The following AGBL1 variants were observed in gnomAD, a reference collection of about 807,000 sequenced individuals.
AGBL1 encodes the protein AGBL carboxypeptidase 1, also known as cytosolic carboxypeptidase 4.
AGBL1 carries 130 observed loss-of-function variants against 118.9 expected under a neutral mutation model. The observed-to-expected ratio is 1.09, with a 90% CI of 0.95 to 1.26. The LOEUF is 1.26. AGBL1 is among the 50% of genes most tolerant of loss of function. The pLI, the probability that AGBL1 is intolerant of heterozygous loss-of-function variation, is 0.00. For synonymous variants in AGBL1, 555 were observed against 478.9 expected (o/e 1.16, Z -2.08); for missense variants, 1,584 against 1,298.1 (o/e 1.22, Z -3.38).
intron 23 of AGBL1, among the ~76,000 whole-genome samples, chr15:86,931,744 C>T (rs2080608768): frequency 1.3e-5 from 2 of 152,056 alleles, no homozygotes; most frequent in Admixed American, 1.3e-4. Context: ...ATTCTATTTT[C>T]CTAGAGTTAT....
intron 23 of AGBL1, among the ~76,000 whole-genome samples, chr15:86,940,566 T>G (rs1201669190): frequency 6.6e-6 from 1 of 152,018 alleles, no homozygotes; most frequent in East Asian, 1.9e-4. Flanking sequence ...TAGAAGGAAA[T>G]TGTTACAAAC....
At chr15:86,848,600 T>C (rs1032727762) in intron 22 of AGBL1, among the ~76,000 whole-genome samples, 20 of 152,172 alleles carry the variant, frequency 1.3e-4, no homozygotes, top group Admixed American at 1.3e-3. Flanking sequence ...ATTCAAGCAG[T>C]TGTAACTTAT....
intron 22 of AGBL1, among the ~76,000 whole-genome samples, chr15:86,847,284 C>G (rs1431773377): frequency 6.6e-6 from 1 of 152,166 alleles, no homozygotes; most frequent in Admixed American, 6.5e-5. Flanking sequence ...ACTGCTTGTT[C>G]TTTCACTTTT....
In AGBL1 at chr15:86,199,778, A is replaced by G. The variant is rs562464921; in HGVS notation, c.489-25136A>G. ...CCATAAAAGTTTTTAAAATTTGCGT[A>G]GTGTTTATAAGGAAAATTATTTCTC... On this transcript the variant is annotated intron_variant, in intron 5 of 22. Transcript: ENST00000614907. 3.3e-5 allele frequency among the ~76,000 whole-genome samples: 5 copies of G among 152,352 alleles called. No homozygotes were observed. The South Asian group carries it at 1.0e-3, about 32-fold the overall frequency.
chr15:87,009,329 G>C (rs1174126588), intron 24 of AGBL1, among the ~76,000 whole-genome samples: 1 of 152,202 alleles, frequency 6.6e-6, no homozygotes, highest in African/African-American at 2.4e-5. Context: ...AGCCTTGGCA[G>C]CTTTCACATG....
chr15:86,224,373 A>G (rs931610945), intron 5 of AGBL1, among the ~76,000 whole-genome samples: 4 of 152,200 alleles, frequency 2.6e-5, no homozygotes, highest in African/African-American at 9.6e-5. Flanking sequence ...ATGAATTTGG[A>G]AGAAAAATCC....
Position 86,374,331 on chromosome 15 carries a change from C to A in AGBL1, c.2375-23035C>A, listed in dbSNP as rs145642742. Among the ~76,000 whole-genome samples, 243 of 152,298 alleles carry A rather than the reference C, an allele frequency of 1.6e-3. 1 individual carries two copies. The highest frequency in any genetic ancestry group is 5.5e-3 in the African/African-American group (228 of 41,564). On this transcript the variant is annotated intron_variant, in intron 17 of 22. Coordinates refer to ENST00000614907, the MANE Select transcript of AGBL1 (RefSeq NM_001386094.1). ...AGTGTTATTTTATGTTTCATGGATGCATCTTAATGACTGCCCTACAGGTCT... is the reference window on the plus strand; with the variant it reads ...AGTGTTATTTTATGTTTCATGGATGAATCTTAATGACTGCCCTACAGGTCT...
At chr15:86,273,211 C>T (rs1356668698) in intron 15 of AGBL1, among the ~76,000 whole-genome samples, 2 of 152,122 alleles carry the variant, frequency 1.3e-5, no homozygotes, top group African/African-American at 4.8e-5. Flanking sequence ...CACGTATTTC[C>T]CACAAGAGGG....
At chr15:86,917,325 C>T (rs1596632253), downstream of AGBL1, among the ~76,000 whole-genome samples, 1 of 152,274 alleles carries the variant, frequency 6.6e-6, no homozygotes, top group Non-Finnish European at 1.5e-5. This position sits in a 1 kb window ranked among gnomAD's most constrained non-coding sequence, Gnocchi z 4.8. Flanking sequence ...GGCCAACTGC[C>T]CTCATCGACC....
At chr15:86,288,379 G>A (rs973299663) in intron 16 of AGBL1, among the ~76,000 whole-genome samples, 8 of 152,028 alleles carry the variant, frequency 5.3e-5, no homozygotes, top group Admixed American at 1.3e-4. Flanking sequence ...GCCATCTCTC[G>A]TGGGATACCC....
chr15:86,787,568 G>C (rs1055226435), intron 22 of AGBL1, among the ~76,000 whole-genome samples: 12 of 152,122 alleles, frequency 7.9e-5, no homozygotes, highest in South Asian at 4.1e-4. Flanking sequence ...TCGTCTTCCA[G>C]ATTCATTCAT....
At chr15:86,360,497 G>A (rs758602891) in intron 17 of AGBL1, among the ~76,000 whole-genome samples, 2 of 151,798 alleles carry the variant, frequency 1.3e-5, no homozygotes, top group East Asian at 3.9e-4. Flanking sequence ...AGGGATGTTT[G>A]CTTATAGTTT....
chr15:86,891,332 A>G (rs1214066462), intron 22 of AGBL1, among the ~76,000 whole-genome samples: 3 of 152,072 alleles, frequency 2.0e-5, no homozygotes, highest in Admixed American at 1.3e-4. Context: ...GTTCCTCTGT[A>G]AGTTTTAGAA....
intron 18 of AGBL1, among the ~76,000 whole-genome samples, chr15:86,441,366 CA>C (rs1046824527): frequency 6.6e-6 from 1 of 151,800 alleles, no homozygotes; most frequent in African/African-American, 2.4e-5. Flanking sequence ...CTATGGAAAA[CA>C]AAAAAAATTC....
At chr15:86,949,184 C>G (rs1209266272) in intron 23 of AGBL1, among the ~76,000 whole-genome samples, 1 of 152,054 alleles carries the variant, frequency 6.6e-6, no homozygotes. Context: ...AATAATGACC[C>G]ATTAAGATTT....
Position 86,909,581 on chromosome 15 carries a change from A to G in AGBL1, c.*2287A>G, listed in dbSNP as rs1337393717. ...TCTTCATATTAAGACATGTATGTTT[A>G]TGTAACATATGCAAGAAATTTGAAG... On this transcript the variant is annotated 3_prime_UTR_variant, in exon 23 of 23. Coordinates refer to ENST00000614907, the MANE Select transcript of AGBL1 (RefSeq NM_001386094.1). The G allele has an allele frequency of 1.3e-5, 2 of 152,246 alleles. No individual in the cohort carries two copies. The highest frequency in any genetic ancestry group is 4.8e-5 in the African/African-American group (2 of 41,466). 9.4% of individuals were successfully genotyped at this position (152,246 alleles called of 1,614,324 possible). A position where few individuals can be genotyped will look rare whatever the true frequency, so the allele number is the denominator to read the frequency against.
At chr15:86,782,852 AGACAGTGGGGCCATTTT>A (rs1281786560) in intron 22 of AGBL1, among the ~76,000 whole-genome samples, 1 of 152,226 alleles carries the variant, frequency 6.6e-6, no homozygotes, top group Non-Finnish European at 1.5e-5. Context: ...TAAGAATTAA[AGACAGTGGGGCCATTTT>A]TGTTAAATTT....
chr15:86,704,796 G>A (rs2086419092), intron 22 of AGBL1, among the ~76,000 whole-genome samples: 1 of 152,100 alleles, frequency 6.6e-6, no homozygotes. Flanking sequence ...GTACCCAAAG[G>A]ATTATAAATC....
Position 86,266,949 on chromosome 15 carries a change from G to C in AGBL1, c.1752-41G>C. On this transcript the variant is annotated intron_variant, in intron 12 of 22. Coordinates refer to ENST00000614907, the MANE Select transcript of AGBL1 (RefSeq NM_001386094.1). ...ATCATCACACTGTTTTCAAAGAGTA[G>C]TGATAACACATATGTTCACATGTTC... 5.1e-6 allele frequency: 7 copies of C among 1,385,610 alleles called. No individual in the cohort carries two copies. In the South Asian group the frequency reaches 7.4e-5, roughly 15 times the overall value. The allele number at this position is 1,385,610 out of a possible 1,614,324, so 85.8% of individuals were successfully genotyped here.
Sources: allele counts gnomAD v4.1 joint callset (sites outside exome capture counted in the v4.1 genomes callset), GRCh38; gene constraint gnomAD v4.1.1; non-coding constraint Gnocchi (gnomAD v3.1); transcripts MANE v1.5; gene names NCBI Gene and HGNC (gene_info 2026-07-23, HGNC 2026-07-21).